The following RPS6KC1 variants were observed in gnomAD, a reference collection of about 807,000 sequenced individuals.
The protein encoded by RPS6KC1 is inactive ribosomal protein S6 kinase delta-1.
Under a neutral mutation model 103.8 loss-of-function variants are expected in RPS6KC1, and 54 were observed. The observed-to-expected ratio is 0.52, with a 90% CI of 0.42 to 0.65. The LOEUF is 0.65. Among genes scored for constraint, RPS6KC1 ranks in the 30% least tolerant of loss-of-function variants. The pLI is 0.00. For synonymous variants in RPS6KC1, 439 were observed against 438.7 expected (o/e 1.00, Z -0.01); for missense variants, 1,151 against 1,253.8 (o/e 0.92, Z 1.24).
intron 2 of RPS6KC1, among the ~76,000 whole-genome samples, chr1:213,071,676 A>G (rs554719197): frequency 5.9e-5 from 9 of 152,356 alleles, no homozygotes; most frequent in Non-Finnish European, 1.2e-4. Flanking sequence ...ATGCCTGTGT[A>G]ATAAAAAGTA....
chr1:213,496,177 A>G, the RPS6KC1 span, among the ~76,000 whole-genome samples: 1 of 152,220 alleles, frequency 6.6e-6, no homozygotes, highest in South Asian at 2.1e-4. Context: ...AAAGACCAAA[A>G]TAAGAAAACA....
chr1:213,730,479 T>C, the RPS6KC1 span, among the ~76,000 whole-genome samples: 1 of 152,234 alleles, frequency 6.6e-6, no homozygotes, highest in African/African-American at 2.4e-5. Flanking sequence ...TGGTGTGAGA[T>C]GGTATCTCAT....
At chr1:213,328,543 A>ATATATAT in the RPS6KC1 span, among the ~76,000 whole-genome samples, 635 of 88,264 alleles carry the variant, frequency 7.2e-3, 6 homozygotes, top group Non-Finnish European at 0.011. Context: ...TATATATATC[A>ATATATAT]CACACACACG....
At chr1:213,548,161 A>C in the RPS6KC1 span, among the ~76,000 whole-genome samples, 4 of 152,262 alleles carry the variant, frequency 2.6e-5, no homozygotes, top group Non-Finnish European at 5.9e-5. Flanking sequence ...ACAGAGCAGC[A>C]AAAGTGATTC....
chr1:213,211,608 T>C (rs1217551755), intron 8 of RPS6KC1, among the ~76,000 whole-genome samples: 1 of 152,224 alleles, frequency 6.6e-6, no homozygotes, highest in African/African-American at 2.4e-5. Context: ...TTTGAAAAAT[T>C]ATACAAAGTA....
chr1:213,641,255 C>T, the RPS6KC1 span, among the ~76,000 whole-genome samples: 3 of 151,682 alleles, frequency 2.0e-5, 1 homozygote, highest in Non-Finnish European at 2.9e-5. Flanking sequence ...TGCATCATCT[C>T]CTTGGTGTCT....
the RPS6KC1 span, among the ~76,000 whole-genome samples, chr1:213,533,860 C>A: frequency 6.6e-6 from 1 of 152,174 alleles, no homozygotes. Context: ...AACAGTCCAG[C>A]CATTTGTCCC....
At chr1:213,689,327 C>T in the RPS6KC1 span, among the ~76,000 whole-genome samples, 1 of 152,190 alleles carries the variant, frequency 6.6e-6, no homozygotes, top group Non-Finnish European at 1.5e-5. Context: ...AAAGCACTAC[C>T]TCTACTCCAC....
chr1:213,616,554 G>A, the RPS6KC1 span, among the ~76,000 whole-genome samples: 1 of 152,220 alleles, frequency 6.6e-6, no homozygotes, highest in Admixed American at 6.5e-5. Flanking sequence ...GTACATTCCT[G>A]TAATCCTAGC....
intron 12 of RPS6KC1, among the ~76,000 whole-genome samples, chr1:213,245,373 C>T (rs1306903166): frequency 6.6e-6 from 1 of 152,018 alleles, no homozygotes; most frequent in Non-Finnish European, 1.5e-5. Flanking sequence ...TCATGTGATC[C>T]CCTCCCTCTT....
At chr1:213,152,334 C>T (rs1341408607) in intron 6 of RPS6KC1, among the ~76,000 whole-genome samples, 1 of 144,642 alleles carries the variant, frequency 6.9e-6, no homozygotes. Flanking sequence ...GGGGCTGACC[C>T]CCCCCACCTC....
At chr1:213,071,444 A>G (rs546463925) in intron 2 of RPS6KC1, among the ~76,000 whole-genome samples, 16 of 152,230 alleles carry the variant, frequency 1.1e-4, no homozygotes, top group Admixed American at 5.9e-4. Flanking sequence ...ATCAGTCTTT[A>G]TATGTTTGCG....
At chr1:213,477,811 T>C in the RPS6KC1 span, among the ~76,000 whole-genome samples, 1 of 152,194 alleles carries the variant, frequency 6.6e-6, no homozygotes. Flanking sequence ...TATAATTCCC[T>C]CTGTCATTCA....
At chr1:213,544,301 C>G in the RPS6KC1 span, among the ~76,000 whole-genome samples, 2 of 151,856 alleles carry the variant, frequency 1.3e-5, no homozygotes, top group African/African-American at 4.8e-5. Context: ...AGAGTGAGGT[C>G]AAGGATAGAG....
rs533697517 is a variant in RPS6KC1 at position 213,208,232 on chromosome 1, C to G, written c.1045-22265C>G. ...CAGAAGCTTCTCTTCTGGATTCTTTCATTATTCTGCTCAAGTTTGCATTGG... is the reference window on the plus strand; with the variant it reads ...CAGAAGCTTCTCTTCTGGATTCTTTGATTATTCTGCTCAAGTTTGCATTGG... On this transcript the variant is annotated intron_variant, in intron 8 of 14. Transcript: ENST00000366960. Among the ~76,000 whole-genome samples the G allele has an allele frequency of 2.6e-5, 4 of 152,288 alleles. No homozygotes were observed. The South Asian group carries it at 8.3e-4, about 32-fold the overall frequency.
At chr1:213,854,937 C>T in the RPS6KC1 span, among the ~76,000 whole-genome samples, 1 of 152,180 alleles carries the variant, frequency 6.6e-6, no homozygotes, top group Non-Finnish European at 1.5e-5. Flanking sequence ...TCTCACAGTT[C>T]TGGAGGCTAC....
chr1:213,177,175 G>T (rs1405738122), intron 8 of RPS6KC1, among the ~76,000 whole-genome samples: 2 of 152,026 alleles, frequency 1.3e-5, no homozygotes, highest in Non-Finnish European at 2.9e-5. Flanking sequence ...TGCAAATTTG[G>T]TGACATCTCA....
chr1:213,211,565 G>A lies in RPS6KC1; in HGVS notation c.1045-18932G>A, dbSNP rs370914244. On this transcript the variant is annotated intron_variant, in intron 8 of 14. Coordinates refer to ENST00000366960, the MANE Select transcript of RPS6KC1 (RefSeq NM_012424.6). Reference sequence around the variant, plus strand: ...ACACACCATTGTCCTTTGGAAGCAGGTTTTATAAAGTAATAGATGTATTGG... The same window carrying A: ...ACACACCATTGTCCTTTGGAAGCAGATTTTATAAAGTAATAGATGTATTGG... Among the ~76,000 whole-genome samples, 9 of 152,222 alleles carry A rather than the reference G, an allele frequency of 5.9e-5. No individual in the cohort carries two copies. The East Asian group carries it at 1.2e-3, about 20-fold the overall frequency.
At chr1:213,514,011 G>A in the RPS6KC1 span, among the ~76,000 whole-genome samples, 1 of 152,132 alleles carries the variant, frequency 6.6e-6, no homozygotes, top group African/African-American at 2.4e-5. Context: ...GTCCTTTGCT[G>A]TTTCAACAGT....
Sources: gnomAD v4.1 joint callset for allele counts (sites outside exome capture counted in the v4.1 genomes callset) on GRCh38, gnomAD v4.1.1 for gene constraint, MANE v1.5 for transcripts, NCBI Gene and HGNC (gene_info 2026-07-23, HGNC 2026-07-21) for gene names.